The following TAF1L variants were observed in gnomAD, a reference collection of about 807,000 sequenced individuals.
TAF1L encodes the protein TATA-box binding protein associated factor 1 like, also known as transcription initiation factor TFIID subunit 1-like.
Under a neutral mutation model 128.8 loss-of-function variants are expected in TAF1L, and 30 were observed. That is an observed-to-expected ratio of 0.23 (90% confidence interval 0.17 to 0.32). TAF1L has a LOEUF of 0.32. TAF1L is among the 10% of genes least tolerant of loss of function. The probability of loss-of-function intolerance (pLI) is 1.00; values close to 1 mark genes in which losing one functional copy is unlikely to be tolerated. For synonymous variants in TAF1L, 764 were observed against 790.7 expected (o/e 0.97, Z 0.57); for missense variants, 2,099 against 2,253.7 (o/e 0.93, Z 1.39).
At position 32,635,374 on chromosome 9, in the gene TAF1L, C is replaced by A. The variant is rs1264916296; in HGVS notation, c.206G>T (p.Gly69Val). 1.1e-5 allele frequency: 17 copies of A among 1,614,006 alleles called. No individual in the cohort carries two copies. The highest frequency in any genetic ancestry group is 1.4e-5 in the Non-Finnish European group (16 of 1,180,034). ...DECKKHLAGL[G>V]ALGLGSLITE... ...GATTAGGCTGCCCAGCCCCAAAGCC[C>A]CCAAGCCTGCCAAGTGCTTCTTACA... Residue 69 changes from glycine (G) to valine (V), a missense_variant, in exon 1 of 1, where the codon GGG becomes GTG. Around this residue, in one of 4 missense-constraint regions of TAF1L, gnomAD observed 473 missense variants for 429.6 expected, o/e 1.10. Transcript: ENST00000242310.
rs1382161556 is a variant in TAF1L, at chr9:32,630,422, C to A, written c.5158G>T (p.Val1720Phe). 1.9e-6 allele frequency: 3 copies of A among 1,614,220 alleles called. No homozygotes were observed. The highest frequency in any genetic ancestry group is 2.7e-5 in the African/African-American group (2 of 75,064). ...RLGEEDSDVD[V>F]EGYDDEEEDG... ...TCCTCCTCATCATCATACCCTTCAA[C>A]ATCCACATCAGAGTCTTCCTCACCC... is the stretch of plus-strand genomic sequence containing the variant. Residue 1720 changes from valine (V) to phenylalanine (F), a missense_variant, in exon 1 of 1, where the codon GTT becomes TTT. By Grantham distance (50) the Val-to-Phe change is conservative. Around this residue, in one of 4 missense-constraint regions of TAF1L, gnomAD observed 404 missense variants for 406.5 expected, o/e 0.99. Transcript: ENST00000242310.
In TAF1L at chr9:32,630,166, A is replaced by G; in HGVS notation, c.5414T>C (p.Ile1805Thr). ...AAGCATGAAGGGTTGTTTGGGTCTT[A>G]TTCCACCATATCCCACATCAGAGTC... is the stretch of plus-strand genomic sequence containing the variant. ...GSDSDVGYGG[I>T]RPKQPFMLQH... The change falls in exon 1 of 1, where the codon ATA becomes ACA. Residue 1805 changes from isoleucine (I) to threonine (T), a missense_variant. Ile to Thr is a moderately conservative substitution (Grantham distance 89). Around this residue, in one of 4 missense-constraint regions of TAF1L, gnomAD observed 404 missense variants for 406.5 expected, o/e 0.99. Transcript: ENST00000242310. 1 of 1,614,190 alleles carries G rather than the reference A, an allele frequency of 6.2e-7. No individual in the cohort carries two copies.
At position 32,634,380 on chromosome 9, in the gene TAF1L, C is replaced by T. The variant is rs754714886; in HGVS notation, c.1200G>A (p.Met400Ile). 6.2e-7 allele frequency: 1 copy of T among 1,614,214 alleles called. No homozygotes were observed. Among genetic ancestry groups the T allele is most frequent in the Non-Finnish European group, 8.5e-7 (1 of 1,180,040 alleles). The change falls in exon 1 of 1, where the codon ATG becomes ATA. Residue 400 changes from methionine (M) to isoleucine (I), a missense_variant. Around this residue, in one of 4 missense-constraint regions of TAF1L, gnomAD observed 1,213 missense variants for 1,391.4 expected, o/e 0.87. Coordinates refer to ENST00000242310, the MANE Select transcript of TAF1L (RefSeq NM_153809.2). ...CCTCAAGTTTCCTAAATTCCTCCATCATTCTAGATTTTATCACAGGTTCAT... is the reference window on the plus strand; with the variant it reads ...CCTCAAGTTTCCTAAATTCCTCCATTATTCTAGATTTTATCACAGGTTCAT... ...TQHEPVIKSR[M>I]MEEFRKLEES...
Position 32,635,278 on chromosome 9 carries a change from C to T in TAF1L, c.302G>A (p.Arg101Lys), listed in dbSNP as rs1822568650. 6.2e-7 allele frequency: 1 copy of T among 1,614,136 alleles called. No individual in the cohort carries two copies. Residue 101 changes from arginine (R) to lysine (K), a missense_variant, in exon 1 of 1, where the codon AGG (arginine) becomes AAG (lysine). This residue lies in a region of TAF1L where 473 missense variants were observed against 429.6 expected (regional missense o/e 1.10). Transcript: ENST00000242310. ...ATAGTCTACAGCATCTTCTGTACTCCTAATCCACCCTTCATCATTTACCAA... is the reference window on the plus strand; with the variant it reads ...ATAGTCTACAGCATCTTCTGTACTCTTAATCCACCCTTCATCATTTACCAA... ...GALVNDEGWI[R>K]STEDAVDYSD...
chr9:32,633,704 T>A lies in TAF1L; in HGVS notation c.1876A>T (p.Met626Leu). ...AACTGCCGGATTTTGATGGGCCCCA[T>A]GTGGGTGGGAAAGAAGGGCTGCCAT... ...ELWQPFFPTH[M>L]GPIKIRQFHR... Residue 626 changes from methionine (M) to leucine (L), a missense_variant, in exon 1 of 1, where the codon ATG becomes TTG. Physicochemically the swap from Met to Leu is conservative, Grantham distance 15. Transcript: ENST00000242310. 6.2e-7 allele frequency: 1 copy of A among 1,614,104 alleles called. No individual in the cohort carries two copies. Among genetic ancestry groups the A allele is most frequent in the Non-Finnish European group, 8.5e-7 (1 of 1,180,002 alleles).
At position 32,632,691 on chromosome 9, in the gene TAF1L, G is replaced by T. The variant is rs55878915; in HGVS notation, c.2889C>A (p.Gly963=). The T allele has an allele frequency of 6.2e-7, 1 of 1,614,140 alleles. No homozygotes were observed. Among genetic ancestry groups the T allele is most frequent in the East Asian group, 2.2e-5 (1 of 44,874 alleles). Reference sequence around the variant, plus strand: ...CCCCAGTCACCTCTAGGAGACACTTGCCCTTCATGGCAGCAATGAAGGCCC... The same window carrying T: ...CCCCAGTCACCTCTAGGAGACACTTTCCCTTCATGGCAGCAATGAAGGCCC... The part of the protein sequence containing the change: ...TTRAFIAAMK[G]KCLLEVTGVA... The change falls in exon 1 of 1, where the codon GGC becomes GGA. Residue 963 remains glycine, a synonymous_variant. Coordinates refer to ENST00000242310, the MANE Select transcript of TAF1L (RefSeq NM_153809.2). This position sits in a 1 kb window ranked among gnomAD's most constrained non-coding sequence, Gnocchi z 4.4.
rs760056638 is a variant in TAF1L, at chr9:32,630,179, C to G, written c.5401G>C (p.Gly1801Arg). The G allele has an allele frequency of 5.6e-6, 9 of 1,614,216 alleles. No individual in the cohort carries two copies. The South Asian group carries it at 9.9e-5, about 18-fold the overall frequency. Residue 1801 changes from glycine (G) to arginine (R), a missense_variant, in exon 1 of 1, where the codon GGA becomes CGA. Around this residue, in one of 4 missense-constraint regions of TAF1L, gnomAD observed 404 missense variants for 406.5 expected, o/e 0.99. Transcript: ENST00000242310. The part of the protein sequence containing the change: ...LSESGSDSDV[G>R]YGGIRPKQPF... ...TGTTTGGGTCTTATTCCACCATATC[C>G]CACATCAGAGTCACTTCCACTTTCA...
rs1337238205 is a variant in TAF1L, at chr9:32,630,960, T to C, written c.4620A>G (p.Ala1540=). 2 of 1,614,140 alleles carry C rather than the reference T, an allele frequency of 1.2e-6. No homozygotes were observed. The highest frequency in any genetic ancestry group is 4.5e-5 in the East Asian group (2 of 44,904). The change falls in exon 1 of 1, where the codon GCA becomes GCG. Residue 1540 remains alanine, a synonymous_variant. Transcript: ENST00000242310. ...GATGAAATGGCCAAGAATCTGGAAC[T>C]GCCATCATTTTCTGGGTGACAATGT... is the stretch of plus-strand genomic sequence containing the variant. The part of the protein sequence containing the change: ...LDNIVTQKMM[A]VPDSWPFHHP...
At position 32,635,069 on chromosome 9, in the gene TAF1L, G is replaced by A. The variant is rs56352331; in HGVS notation, c.511C>T (p.Gln171Ter). 1 of 1,614,052 alleles carries A rather than the reference G, an allele frequency of 6.2e-7. No homozygotes were observed. The highest frequency in any genetic ancestry group is 8.5e-7 in the Non-Finnish European group (1 of 1,180,000). Reference protein sequence around the residue: ...PPGPMKKDKDQDAITCVSESG... With the variant: ...PPGPMKKDKD ...TCAGACACACAGGTAATAGCATCTT[G>A]GTCCTTATCCTTCTTCATTGGTCCC... Residue 171 changes from glutamine to a stop codon, truncating the protein, a stop_gained, in exon 1 of 1, where the codon CAA (glutamine) becomes TAA (stop). Coordinates refer to ENST00000242310, the MANE Select transcript of TAF1L (RefSeq NM_153809.2). LOFTEE classifies it high-confidence loss of function.
Position 32,635,287 on chromosome 9 carries a change from C to T in TAF1L, c.293G>A (p.Gly98Glu). ...GTGGALVNDE[G>E]WIRSTEDAVD... ...AGCATCTTCTGTACTCCTAATCCAC[C>T]CTTCATCATTTACCAAGGCACCGCC... The change falls in exon 1 of 1, where the codon GGG becomes GAG. Residue 98 changes from glycine (G) to glutamate (E), a missense_variant. Gly to Glu is a moderately conservative substitution (Grantham distance 98, BLOSUM62 -2). This residue lies in a region of TAF1L where 473 missense variants were observed against 429.6 expected (regional missense o/e 1.10). Transcript: ENST00000242310. 3 of 1,614,116 alleles carry T rather than the reference C, an allele frequency of 1.9e-6. No individual in the cohort carries two copies. Among genetic ancestry groups the T allele is most frequent in the South Asian group, 1.1e-5 (1 of 91,078 alleles).
At position 32,630,663 on chromosome 9, in the gene TAF1L, T is replaced by C. The variant is rs142290416; in HGVS notation, c.4917A>G (p.Thr1639=). The C allele has an allele frequency of 1.2e-6, 2 of 1,614,128 alleles. No homozygotes were observed. The highest frequency in any genetic ancestry group is 2.7e-5 in the African/African-American group (2 of 74,944). The change falls in exon 1 of 1, where the codon ACA becomes ACG. Residue 1639 remains threonine (T), a synonymous_variant. Transcript: ENST00000242310. ...HLTQLEKDIC[T]AKEAALEEAE... is the part of the protein sequence containing the mutation. ...CTTCCTCCAAAGCTGCTTCTTTAGCTGTACAAATATCCTTCTCAAGTTGAG... is the reference window on the plus strand; with the variant it reads ...CTTCCTCCAAAGCTGCTTCTTTAGCCGTACAAATATCCTTCTCAAGTTGAG...
rs1458807522 is a variant in TAF1L at position 32,635,666 on chromosome 9, G to T, written c.-87C>A. 10 of 1,450,862 alleles carry T rather than the reference G, an allele frequency of 6.9e-6. No individual in the cohort carries two copies. The highest frequency in any genetic ancestry group is 2.9e-5 in the African/African-American group (2 of 70,032). 89.9% of individuals were successfully genotyped at this position (1,450,862 alleles called of 1,614,324 possible). A position where few individuals can be genotyped will look rare whatever the true frequency, so the allele number is the denominator to read the frequency against. ...CGTCTACCGGAAGCTGAATAAAGGC[G>T]GGGGGAGGGGGCAAAGGGGCGGGGG... On this transcript the variant is annotated 5_prime_UTR_variant, in exon 1 of 1. Coordinates refer to ENST00000242310, the MANE Select transcript of TAF1L (RefSeq NM_153809.2).
At position 32,633,799 on chromosome 9, in the gene TAF1L, G is replaced by A. The variant is rs1822548183; in HGVS notation, c.1781C>T (p.Pro594Leu). Residue 594 changes from proline (P) to leucine (L), a missense_variant, in exon 1 of 1, where the codon CCC (proline) becomes CTC (leucine). Transcript: ENST00000242310. Reference protein sequence around the residue: ...WNLSNDEYYFPKQQGLRGTFG... With the variant: ...WNLSNDEYYFLKQQGLRGTFG... ...GGTGCCCCGAAGACCCTGTTGCTTGGGGAAATAATACTCATCATTGGAGAG... is the reference window on the plus strand; with the variant it reads ...GGTGCCCCGAAGACCCTGTTGCTTGAGGAAATAATACTCATCATTGGAGAG... 6.2e-7 allele frequency: 1 copy of A among 1,614,180 alleles called. No individual in the cohort carries two copies. The highest frequency in any genetic ancestry group is 8.5e-7 in the Non-Finnish European group (1 of 1,180,036).
At position 32,633,637 on chromosome 9, in the gene TAF1L, G is replaced by C. The variant is rs202136681; in HGVS notation, c.1943C>G (p.Ser648Cys). The change falls in exon 1 of 1, where the codon TCT becomes TGT. Residue 648 changes from serine to cysteine, a missense_variant. Ser to Cys is a moderately radical substitution (Grantham distance 112, BLOSUM62 -1). Around this residue, in one of 4 missense-constraint regions of TAF1L, gnomAD observed 1,213 missense variants for 1,391.4 expected, o/e 0.87. Transcript: ENST00000242310. The part of the protein sequence containing the change: ...PLKKYSFGAL[S>C]QPGPHSVQPL... ...TTGGACTGAATGGGGACCTGGCTGA[G>C]AGAGTGCACCAAATGAGTACTTTTT... The C allele has an allele frequency of 8.1e-5, 131 of 1,614,058 alleles. No homozygotes were observed. In the Middle Eastern group the frequency reaches 8.2e-4, roughly 10 times the overall value.
rs1187716057 is a variant in TAF1L, at chr9:32,634,575, A to G, written c.1005T>C (p.Pro335=). The change falls in exon 1 of 1, where the codon CCT becomes CCC. Residue 335 remains proline, a synonymous_variant. Coordinates refer to ENST00000242310, the MANE Select transcript of TAF1L (RefSeq NM_153809.2). ...TTGATTGGGAAAATTTGGACTCCAC[A>G]GGAACCATCATCGTGATTTCATCAT... ...LADDEITMMV[P]VESKFSQSTG... 5.0e-6 allele frequency: 8 copies of G among 1,614,068 alleles called. No homozygotes were observed. Among genetic ancestry groups the G allele is most frequent in the Non-Finnish European group, 6.8e-6 (8 of 1,180,026 alleles).
At position 32,631,128 on chromosome 9, in the gene TAF1L, T is replaced by C; in HGVS notation, c.4452A>G (p.Ser1484=). The change falls in exon 1 of 1, where the codon TCA becomes TCG. Residue 1484 remains serine (S), a synonymous_variant. Transcript: ENST00000242310. This position sits in a 1 kb window ranked among gnomAD's most constrained non-coding sequence, Gnocchi z 4.1. ...NSATYNGPKH[S]LTQISQSMLD... ...GCATGGATTGAGAGATCTGAGTCAA[T>C]GAATGTTTTGGCCCATTGTAGGTCG... 1 of 1,614,230 alleles carries C rather than the reference T, an allele frequency of 6.2e-7. No individual in the cohort carries two copies.
In TAF1L at chr9:32,634,347, A is replaced by G; in HGVS notation, c.1233T>C (p.Asn411=). 1 of 1,614,186 alleles carries G rather than the reference A, an allele frequency of 6.2e-7. No individual in the cohort carries two copies. Among genetic ancestry groups the G allele is most frequent in the Non-Finnish European group, 8.5e-7 (1 of 1,180,036 alleles). Residue 411 remains asparagine (N), a synonymous_variant, in exon 1 of 1, where the codon AAT becomes AAC. Coordinates refer to ENST00000242310, the MANE Select transcript of TAF1L (RefSeq NM_153809.2). ...MEEFRKLEES[N]GTDLLADENF... is the part of the protein sequence containing the mutation. ...TTTCGTCAGCCAGAAGATCAGTGCC[A>G]TTGCTTTCCTCAAGTTTCCTAAATT... is the stretch of plus-strand genomic sequence containing the variant.
chr9:32,634,258 T>C lies in TAF1L; in HGVS notation c.1322A>G (p.Lys441Arg), dbSNP rs948405367. The C allele has an allele frequency of 1.9e-6, 3 of 1,614,188 alleles. No homozygotes were observed. The highest frequency in any genetic ancestry group is 2.5e-6 in the Non-Finnish European group (3 of 1,180,026). ...DSIIWDGEDI[K>R]HKGTKPQGAS... ...ACCCTGAGGTTTTGTCCCTTTGTGT[T>C]TGATATCCTCCCCATCCCAGATGAT... The change falls in exon 1 of 1, where the codon AAA becomes AGA. Residue 441 changes from lysine (K) to arginine (R), a missense_variant. Physicochemically the swap from Lys to Arg is conservative, Grantham distance 26. Around this residue, in one of 4 missense-constraint regions of TAF1L, gnomAD observed 1,213 missense variants for 1,391.4 expected, o/e 0.87. Coordinates refer to ENST00000242310, the MANE Select transcript of TAF1L (RefSeq NM_153809.2).
chr9:32,631,428 G>C lies in TAF1L; in HGVS notation c.4152C>G (p.Asp1384Glu). 1 of 1,614,196 alleles carries C rather than the reference G, an allele frequency of 6.2e-7. No homozygotes were observed. ...TGGACTTATGAGGTATATTCAAATA[G>C]TCACAATGAACAGTGGTTCCAACTC... is the stretch of plus-strand genomic sequence containing the variant. ...KRRVGTTVHCDYLNIPHKSIH... is the reference protein window; with the variant it reads ...KRRVGTTVHCEYLNIPHKSIH... The change falls in exon 1 of 1, where the codon GAC becomes GAG. Residue 1384 changes from aspartate to glutamate, a missense_variant. Around this residue, in one of 4 missense-constraint regions of TAF1L, gnomAD observed 1,213 missense variants for 1,391.4 expected, o/e 0.87. Coordinates refer to ENST00000242310, the MANE Select transcript of TAF1L (RefSeq NM_153809.2). The surrounding 1 kb of genome is among the most constrained non-coding windows in gnomAD (Gnocchi z 4.1).
Sources: allele counts gnomAD v4.1 joint callset, GRCh38; gene constraint gnomAD v4.1.1; regional missense constraint gnomAD v4.1.1; non-coding constraint Gnocchi (gnomAD v3.1); transcripts MANE v1.5; gene names NCBI Gene and HGNC (gene_info 2026-07-23, HGNC 2026-07-21).